Variants in AIM2 observed in about 807,000 individuals in gnomAD.
AIM2 encodes interferon-inducible protein AIM2.
Under a neutral mutation model 27.7 loss-of-function variants are expected in AIM2, and 30 were observed. The ratio of observed to expected loss-of-function variants is 1.08; its 90% CI spans 0.81 to 1.47. The LOEUF (loss-of-function observed/expected upper bound fraction) is 1.47, where lower values mean the gene tolerates loss of function less well. Among genes scored for constraint, AIM2 ranks in the 40% most tolerant of loss-of-function variants. The pLI is 0.00. For synonymous variants in AIM2, 141 were observed against 145.3 expected (o/e 0.97, Z 0.21); for missense variants, 358 against 411.3 (o/e 0.87, Z 1.12).
chr1:159,085,322 G>A (rs1419057103), intron 1 of AIM2, among the ~76,000 whole-genome samples: 1 of 152,152 alleles, frequency 6.6e-6, no homozygotes, highest in East Asian at 1.9e-4. Context: ...TATTTAAAAG[G>A]TTCTGGGAAG....
At chr1:159,062,003 A>C (rs1655854202), downstream of AIM2, among the ~76,000 whole-genome samples, 1 of 152,130 alleles carries the variant, frequency 6.6e-6, no homozygotes, top group Non-Finnish European at 1.5e-5. Flanking sequence ...TTGTATAAAG[A>C]GTGAGGAATG....
intron 1 of AIM2, among the ~76,000 whole-genome samples, chr1:159,125,203 C>T (rs1444380306): frequency 6.6e-6 from 1 of 152,146 alleles, no homozygotes; most frequent in Non-Finnish European, 1.5e-5. Context: ...AGGAAATATG[C>T]TCCCAGTCAG....
intron 2 of AIM2, among the ~76,000 whole-genome samples, chr1:159,071,671 G>A (rs1656369597): frequency 6.6e-6 from 1 of 152,140 alleles, no homozygotes; most frequent in Admixed American, 6.5e-5. Flanking sequence ...CACCATGCCT[G>A]GCTAATTTTT....
At chr1:159,111,329 T>A (rs892865215) in intron 1 of AIM2, among the ~76,000 whole-genome samples, 1 of 152,222 alleles carries the variant, frequency 6.6e-6, no homozygotes, top group Non-Finnish European at 1.5e-5. Context: ...TCTATTAAAA[T>A]GCATTACAAA....
chr1:159,063,625 C>G lies in AIM2; in HGVS notation c.866G>C (p.Gly289Ala). Reference sequence around the variant, plus strand: ...TCTAACCCCCAGTACTTCCATTTTCCCAGTGTTGTCACTTAGGTCAAATAA... The same window carrying G: ...TCTAACCCCCAGTACTTCCATTTTCGCAGTGTTGTCACTTAGGTCAAATAA... ...NILFDLSDNT[G>A]KMEVLGVRNE... Residue 289 changes from glycine to alanine, a missense_variant, in exon 5 of 6, where the codon GGG becomes GCG. Transcript: ENST00000368130. 6.2e-7 allele frequency: 1 copy of G among 1,614,070 alleles called. No individual in the cohort carries two copies. Among genetic ancestry groups the G allele is most frequent in the South Asian group, 1.1e-5 (1 of 91,064 alleles).
intron 1 of AIM2, among the ~76,000 whole-genome samples, chr1:159,131,912 G>A (rs1315573278): frequency 1.3e-5 from 2 of 152,280 alleles, no homozygotes; most frequent in East Asian, 1.9e-4. Flanking sequence ...CAGGCAAGAC[G>A]TGGTATTTCA....
intron 1 of AIM2, among the ~76,000 whole-genome samples, chr1:159,096,379 T>C (rs1343127042): frequency 6.6e-6 from 1 of 151,768 alleles, no homozygotes; most frequent in Non-Finnish European, 1.5e-5. Flanking sequence ...AGAAACAGGA[T>C]AATGTGTGAA....
intron 2 of AIM2, among the ~76,000 whole-genome samples, chr1:159,071,499 A>G (rs1656363307): frequency 6.6e-6 from 1 of 152,112 alleles, no homozygotes; most frequent in South Asian, 2.1e-4. Context: ...CAAGAAGCAT[A>G]CTTTGTGTTT....
intron 1 of AIM2, among the ~76,000 whole-genome samples, chr1:159,115,702 A>C (rs1647320299): frequency 6.6e-6 from 1 of 152,258 alleles, no homozygotes; most frequent in South Asian, 2.1e-4. Context: ...TAAAGACTTA[A>C]ATGTTAGACC....
rs150319896 is a variant in AIM2 at position 159,116,954 on chromosome 1, C to T, written c.-16+23477G>A. On this transcript the variant is annotated intron_variant, in intron 1 of 2. Transcript: ENST00000368129. ...AAAGGTACTGAATTTTTTTAAGCTG[C>T]ATAAAGAGAAAGATATGTGAGTACA... Among the ~76,000 whole-genome samples the T allele has an allele frequency of 5.7e-4, 86 of 151,456 alleles. 1 individual carries two copies. The highest frequency in any genetic ancestry group is 3.4e-3 in the Middle Eastern group (1 of 292).
intron 1 of AIM2, chr1:159,123,587 A>G (rs1647601443): frequency 6.6e-6 from 1 of 152,198 alleles, no homozygotes; most frequent in African/African-American, 2.4e-5. Context: ...AGTATCTGGG[A>G]AAAAAGATTC....
At chr1:159,066,395 C>T (rs1333540174) in intron 3 of AIM2, 66 bp from the exon 4 acceptor site, 1 of 1,496,212 alleles carries the variant, frequency 6.7e-7, no homozygotes, top group East Asian at 2.3e-5. Flanking sequence ...GACCTTACTT[C>T]ACCTACAGTG....
chr1:159,066,762 G>A (rs1656123163), intron 3 of AIM2, among the ~76,000 whole-genome samples: 1 of 152,188 alleles, frequency 6.6e-6, no homozygotes, highest in South Asian at 2.1e-4. Context: ...TGGTATAAAA[G>A]TGAGGGAGCT....
At chr1:159,095,684 T>A (rs911930240) in intron 1 of AIM2, among the ~76,000 whole-genome samples, 1 of 152,128 alleles carries the variant, frequency 6.6e-6, no homozygotes, top group Non-Finnish European at 1.5e-5. Context: ...GAAAAAAAAA[T>A]ACTCTTAAAA....
chr1:159,115,073 C>T (rs2102033131), intron 1 of AIM2, among the ~76,000 whole-genome samples: 1 of 152,296 alleles, frequency 6.6e-6, no homozygotes, highest in African/African-American at 2.4e-5. Context: ...TGAGTGAACT[C>T]CCATTCACAA....
chr1:159,144,119 A>C (rs1648162712), upstream of AIM2, among the ~76,000 whole-genome samples: 1 of 152,320 alleles, frequency 6.6e-6, no homozygotes, highest in South Asian at 2.1e-4. Context: ...GATAAAGATC[A>C]GCTGAGATTT....
intron 1 of AIM2, among the ~76,000 whole-genome samples, chr1:159,104,933 T>C (rs1200308260): frequency 2.0e-5 from 3 of 152,228 alleles, no homozygotes; most frequent in Admixed American, 2.0e-4. Context: ...ATTATATGTG[T>C]CACAGGATGT....
upstream of AIM2, among the ~76,000 whole-genome samples, chr1:159,141,125 G>T (rs1034262513): frequency 6.6e-6 from 1 of 152,144 alleles, no homozygotes; most frequent in Non-Finnish European, 1.5e-5. Flanking sequence ...GACAGTGCAA[G>T]AAACTACCCT....
At chr1:159,058,839 AAG>A (rs1655739442), downstream of AIM2, among the ~76,000 whole-genome samples, 1 of 152,160 alleles carries the variant, frequency 6.6e-6, no homozygotes. Context: ...TGAAAAGGAA[AAG>A]AGGGAAAGAG....
Sources: allele counts gnomAD v4.1 joint callset (sites outside exome capture counted in the v4.1 genomes callset), GRCh38; gene constraint gnomAD v4.1.1; transcripts MANE v1.5; gene names NCBI Gene and HGNC (gene_info 2026-07-23, HGNC 2026-07-21).